The following ZNF236 variants were observed in gnomAD, a reference collection of about 807,000 sequenced individuals.
ZNF236 encodes regulated by glucose.
ZNF236 carries 50 observed loss-of-function variants against 191.2 expected under a neutral mutation model. That is an observed-to-expected ratio of 0.26 (90% CI 0.21 to 0.33). The LOEUF (loss-of-function observed/expected upper bound fraction) is 0.33. ZNF236 is among the 10% of genes least tolerant of loss of function. The pLI, the probability that ZNF236 is intolerant of heterozygous loss-of-function variation, is 1.00. For missense variants in ZNF236, 1,754 were observed against 2,374.5 expected (o/e 0.74, Z 5.43); for synonymous variants, 907 against 928.8 (o/e 0.98, Z 0.43).
chr18:76,935,914 G>C (rs1386481791), intron 25 of ZNF236: 2 of 454,270 alleles, frequency 4.4e-6, no homozygotes, highest in Admixed American at 4.7e-5. Flanking sequence ...AGCTATCTGT[G>C]GAGCCCCGGC....
intron 27 of ZNF236, among the ~76,000 whole-genome samples, chr18:76,948,856 A>G (rs142230497): frequency 5.3e-5 from 8 of 152,348 alleles, no homozygotes; most frequent in Non-Finnish European, 1.0e-4. Context: ...AGGTCCCCAG[A>G]TGAAACAAAA....
intron 3 of ZNF236, among the ~76,000 whole-genome samples, chr18:76,867,340 C>T (rs1226592159): frequency 6.7e-6 from 1 of 149,940 alleles, no homozygotes; most frequent in African/African-American, 2.5e-5. Context: ...TTTATTATTT[C>T]CTTAAATTAT....
intron 28 of ZNF236, among the ~76,000 whole-genome samples, chr18:76,957,377 G>C (rs1968549025): frequency 6.6e-6 from 1 of 152,224 alleles, no homozygotes; most frequent in African/African-American, 2.4e-5. Flanking sequence ...GGGCCAGGAA[G>C]CCCAGGGCCC....
In ZNF236 at chr18:76,925,942, G is replaced by A. The variant is rs1193054320; in HGVS notation, c.4027+388G>A. 1.1e-4 allele frequency among the ~76,000 whole-genome samples: 17 copies of A among 152,206 alleles called. No individual in the cohort carries two copies. The highest frequency in any genetic ancestry group is 1.1e-3 in the Admixed American group (17 of 15,280). On this transcript the variant is annotated intron_variant, in intron 22 of 30. Transcript: ENST00000320610. This position sits in a 1 kb window ranked among gnomAD's most constrained non-coding sequence, Gnocchi z 5.7. ...TGTTCTTGCGTCTCATAGTGCTTGA[G>A]AAGTGTTACATTTTAGCTAGTTGTG... is the stretch of plus-strand genomic sequence containing the variant.
intron 25 of ZNF236, among the ~76,000 whole-genome samples, chr18:76,930,418 A>C (rs973313105): frequency 6.6e-6 from 1 of 152,226 alleles, no homozygotes; most frequent in Non-Finnish European, 1.5e-5. Flanking sequence ...TTTCCAAGGC[A>C]TTCAATTTGG....
chr18:76,876,838 T>TGTCAGTACTC (rs1403055256), intron 6 of ZNF236, among the ~76,000 whole-genome samples: 17 of 152,168 alleles, frequency 1.1e-4, no homozygotes, highest in African/African-American at 4.1e-4. Context: ...GTGAGGTACT[T>TGTCAGTACTC]GTCAGTACTC....
intron 3 of ZNF236, among the ~76,000 whole-genome samples, chr18:76,857,191 C>G (rs1976065691): frequency 6.6e-6 from 1 of 152,176 alleles, no homozygotes; most frequent in Non-Finnish European, 1.5e-5. Flanking sequence ...TCCCCCAGTT[C>G]CTGTGTGTGC....
At position 76,947,738 on chromosome 18, in the gene ZNF236, C is replaced by T. The variant is rs1568243050; in HGVS notation, c.4914+86C>T. 6.8e-6 allele frequency: 10 copies of T among 1,479,502 alleles called. 1 individual carries two copies. The highest frequency in any genetic ancestry group is 3.6e-4 in the Middle Eastern group (2 of 5,582). 91.6% of individuals were successfully genotyped at this position (1,479,502 alleles called of 1,614,324 possible). On this transcript the variant is annotated intron_variant, in intron 27 of 30. Coordinates refer to ENST00000320610, the MANE Select transcript of ZNF236 (RefSeq NM_001306089.2). Reference sequence around the variant, plus strand: ...AGGGATGGTGGTAGAGGGTTATGGGCGTGCTGTGTGACCCAGGTGGCTGGG... The same window carrying T: ...AGGGATGGTGGTAGAGGGTTATGGGTGTGCTGTGTGACCCAGGTGGCTGGG...
intron 3 of ZNF236, among the ~76,000 whole-genome samples, chr18:76,868,031 A>G (rs1976464199): frequency 6.6e-6 from 1 of 152,166 alleles, no homozygotes; most frequent in Non-Finnish European, 1.5e-5. Flanking sequence ...ATTTATTAAA[A>G]TATGTCCAAA....
intron 5 of ZNF236, among the ~76,000 whole-genome samples, chr18:76,873,610 G>A (rs1976636595): frequency 6.6e-6 from 1 of 152,214 alleles, no homozygotes; most frequent in Admixed American, 6.5e-5. Flanking sequence ...CTCACAGTGT[G>A]TGTGATGATG....
In ZNF236 at chr18:76,968,260, A is replaced by T; in HGVS notation, c.5465A>T (p.Glu1822Val). 1 of 1,612,396 alleles carries T rather than the reference A, an allele frequency of 6.2e-7. No individual in the cohort carries two copies. Among genetic ancestry groups the T allele is most frequent in the South Asian group, 1.1e-5 (1 of 90,634 alleles). Residue 1822 changes from glutamate (E) to valine (V), a missense_variant, in exon 31 of 31, where the codon GAG (glutamate) becomes GTG (valine). Physicochemically the swap from Glu to Val is moderately radical, Grantham distance 121. Coordinates refer to ENST00000320610, the MANE Select transcript of ZNF236 (RefSeq NM_001306089.2). ...GGTCACCCGGAGCAGGACGGGGAGG[A>T]GCTGAGCCGGACCCTCCACCTGGAG... Reference protein sequence around the residue: ...SAGHPEQDGEELSRTLHLEEV... With the variant: ...SAGHPEQDGEVLSRTLHLEEV...
At chr18:76,931,740 A>ATTT (rs1414139174) in intron 25 of ZNF236, among the ~76,000 whole-genome samples, 1 of 152,244 alleles carries the variant, frequency 6.6e-6, no homozygotes, top group East Asian at 1.9e-4. Context: ...CACCAACGTA[A>ATTT]TAAATGAGCT....
intron 30 of ZNF236, among the ~76,000 whole-genome samples, chr18:76,967,513 G>A (rs1968807615): frequency 5.9e-5 from 9 of 152,082 alleles, no homozygotes; most frequent in Non-Finnish European, 7.3e-5. Context: ...TTTGTGATTT[G>A]GTGTTGGAGG....
Position 76,927,150 on chromosome 18 carries a change from G to A in ZNF236, c.4141G>A (p.Asp1381Asn). ...VGPNVQISGI[D>N]AASINNITLQ... is the part of the protein sequence containing the mutation. The stretch of plus-strand genomic sequence containing the variant: ...ACCAAATGTACAGATTTCTGGAATC[G>A]ATGCTGCCAGCATTAATAACATTAC... The change falls in exon 23 of 31, where the codon GAT (aspartate) becomes AAT (asparagine). Residue 1381 changes from aspartate to asparagine, a missense_variant. Transcript: ENST00000320610. The surrounding 1 kb of genome is among the most constrained non-coding windows in gnomAD (Gnocchi z 5.4). 2 of 1,614,000 alleles carry A rather than the reference G, an allele frequency of 1.2e-6. No individual in the cohort carries two copies. Among genetic ancestry groups the A allele is most frequent in the Non-Finnish European group, 1.7e-6 (2 of 1,179,958 alleles).
chr18:76,870,555 C>G (rs1282606661), intron 4 of ZNF236, among the ~76,000 whole-genome samples: 1 of 152,152 alleles, frequency 6.6e-6, no homozygotes, highest in East Asian at 1.9e-4. Flanking sequence ...TAGGTAGTGA[C>G]CAAGTGAGTG....
At chr18:76,831,130 G>T (rs918876842) in intron 1 of ZNF236, among the ~76,000 whole-genome samples, 1 of 121,730 alleles carries the variant, frequency 8.2e-6, no homozygotes, top group Non-Finnish European at 1.7e-5. Flanking sequence ...TCTATGTTGT[G>T]TATCCCATGG....
In ZNF236 at chr18:76,960,675, A is replaced by G; in HGVS notation, c.5243-4A>G. ...GACATTGACATATGCCATTTTCTGT[A>G]CAGGGGAGCGGCCGTTCCATTGCAC... On this transcript the variant is annotated splice_region_variant and splice_polypyrimidine_tract_variant and intron_variant, in intron 29 of 30. Transcript: ENST00000320610. This position sits in a 1 kb window ranked among gnomAD's most constrained non-coding sequence, Gnocchi z 4.4. The G allele has an allele frequency of 6.2e-7, 1 of 1,614,214 alleles. No homozygotes were observed. Among genetic ancestry groups the G allele is most frequent in the East Asian group, 2.2e-5 (1 of 44,884 alleles).
intron 10 of ZNF236, among the ~76,000 whole-genome samples, chr18:76,898,563 T>C (rs934012487): frequency 2.0e-5 from 3 of 152,242 alleles, no homozygotes; most frequent in Non-Finnish European, 4.4e-5. Context: ...ATCATCATCA[T>C]TTACAATCAG....
In ZNF236 at chr18:76,828,332, A is replaced by G. The variant is rs373869756; in HGVS notation, c.55+5670A>G. ...CAGGTGCATGCCACCATGCCTGGCT[A>G]ATTTTTTGTATTTTTACTAGGGATG... On this transcript the variant is annotated intron_variant, in intron 1 of 30. Coordinates refer to ENST00000320610, the MANE Select transcript of ZNF236 (RefSeq NM_001306089.2). Among the ~76,000 whole-genome samples the G allele has an allele frequency of 3.1e-4, 47 of 151,936 alleles. 3 individuals are homozygous for G. In the South Asian group the frequency reaches 8.7e-3, roughly 28 times the overall value.
Sources: allele counts gnomAD v4.1 joint callset (sites outside exome capture counted in the v4.1 genomes callset), GRCh38; gene constraint gnomAD v4.1.1; non-coding constraint Gnocchi (gnomAD v3.1); transcripts MANE v1.5; gene names NCBI Gene and HGNC (gene_info 2026-07-23, HGNC 2026-07-21).